The following FAU variants were observed in gnomAD, a reference collection of about 807,000 sequenced individuals.
FAU encodes the protein FAU ubiquitin like and ribosomal protein S30 fusion, also known as ubiquitin-like FUBI-ribosomal protein eS30 fusion protein.
For missense variants in FAU, 125 were observed against 173.9 expected (o/e 0.72, Z 1.58); for synonymous variants, 70 against 69.9 (o/e 1.00, Z -0.01).
intron 3 of FAU, 64 bp from the exon 4 acceptor site, chr11:65,121,100 C>CT: frequency 1.9e-6 from 3 of 1,544,720 alleles, no homozygotes; most frequent in Non-Finnish European, 2.7e-6. Flanking sequence ...CAGAACCCCT[C>CT]TTTTCTCAAT....
Position 65,121,933 on chromosome 11 carries a change from C to G in FAU, c.-8-112G>C, listed in dbSNP as rs917055251. On this transcript the variant is annotated intron_variant, in intron 1 of 4. Coordinates refer to ENST00000529639, the MANE Select transcript of FAU (RefSeq NM_001997.5). ...GATCGCGACGGGATGGTGGTCGCGG[C>G]GGCTCACGTGGGGAAGGCCAGGCCT... 12 of 1,144,458 alleles carry G rather than the reference C, an allele frequency of 1.0e-5. No individual in the cohort carries two copies. In the African/African-American group the frequency reaches 1.7e-4, roughly 16 times the overall value. The allele number at this position is 1,144,458 out of a possible 1,614,324, so 70.9% of individuals were successfully genotyped here. A position where few individuals can be genotyped will look rare whatever the true frequency, so the allele number is the denominator to read the frequency against.
At position 65,121,756 on chromosome 11, in the gene FAU, T is replaced by C. The variant is rs753354118; in HGVS notation, c.58A>G (p.Thr20Ala). The C allele has an allele frequency of 1.2e-5, 19 of 1,614,108 alleles. No homozygotes were observed. The East Asian group carries it at 3.8e-4, about 32-fold the overall frequency. The change falls in exon 2 of 5, where the codon ACG becomes GCG. Residue 20 changes from threonine to alanine, a missense_variant. By Grantham distance (58) the Thr-to-Ala change is moderately conservative (BLOSUM62 0). Transcript: ENST00000529639. ...LHTFEVTGQE[T>A]VAQIKAHVAS... ...AGCCTTACCTTGATCTGGGCGACCG[T>C]TTCCTGGCCGGTCACCTCGAAGGTG...
chr11:65,121,154 A>G, intron 3 of FAU, 118 bp from the exon 4 acceptor site: 1 of 1,028,168 alleles, frequency 9.7e-7, no homozygotes, highest in Non-Finnish European at 1.5e-6. Context: ...TAATGAGAAC[A>G]AAGTTGCAGA....
At chr11:65,122,001 G>C in intron 1 of FAU, 89 bp downstream of exon 1, 1 of 645,818 alleles carries the variant, frequency 1.5e-6, no homozygotes, top group East Asian at 2.7e-5. Context: ...CCACGGAGCA[G>C]GCCCCGTTCT....
chr11:65,120,923 G>T (rs1326840211), intron 4 of FAU, 58 bp downstream of exon 4: 5 of 1,611,614 alleles, frequency 3.1e-6, no homozygotes, highest in African/African-American at 1.3e-5. Flanking sequence ...CAGGGACTTG[G>T]TTTAGCTGTG....
chr11:65,122,022 C>T (rs979195199), intron 1 of FAU, 68 bp downstream of exon 1: 2 of 621,498 alleles, frequency 3.2e-6, no homozygotes, highest in African/African-American at 3.7e-5. Context: ...TCGGTTCCCC[C>T]CGCGCCTTCT....
chr11:65,121,945 G>T, intron 1 of FAU, 124 bp from the exon 2 acceptor site: 1 of 922,506 alleles, frequency 1.1e-6, no homozygotes, highest in Non-Finnish European at 1.7e-6. Flanking sequence ...GCTCACGTGG[G>T]GAAGGCCAGG....
At chr11:65,120,882 A>G in intron 4 of FAU, 76 bp from the exon 5 acceptor site, 3 of 1,609,166 alleles carry the variant, frequency 1.9e-6, no homozygotes, top group Non-Finnish European at 2.6e-6. Flanking sequence ...GCTCATCTCC[A>G]GGGAGGGAGA....
chr11:65,121,965 G>C, intron 1 of FAU, 125 bp downstream of exon 1: 1 of 790,696 alleles, frequency 1.3e-6, no homozygotes, highest in East Asian at 2.7e-5. Context: ...GCCTCCCAAG[G>C]AGTTCGGATA....
At chr11:65,120,835 G>C (rs774448754) in intron 4 of FAU, 29 bp from the exon 5 acceptor site, 1 of 1,613,344 alleles carries the variant, frequency 6.2e-7, no homozygotes, top group Admixed American at 1.7e-5. Flanking sequence ...ATCAGGCCCT[G>C]GTTCCTGTCT....
intron 3 of FAU, 193 bp downstream of exon 3, chr11:65,121,307 A>G: frequency 3.7e-6 from 3 of 805,180 alleles, no homozygotes; most frequent in Non-Finnish European, 5.7e-6. Flanking sequence ...CTGAAATACA[A>G]CTACACTCTG....
Position 65,121,761 on chromosome 11 carries a change from T to A in FAU, c.53A>T (p.Gln18Leu). 6.2e-7 allele frequency: 1 copy of A among 1,614,134 alleles called. No individual in the cohort carries two copies. Reference protein sequence around the residue: ...QELHTFEVTGQETVAQIKAHV... With the variant: ...QELHTFEVTGLETVAQIKAHV... ...TACCTTGATCTGGGCGACCGTTTCC[T>A]GGCCGGTCACCTCGAAGGTGTGTAG... Residue 18 changes from glutamine to leucine, a missense_variant, in exon 2 of 5, where the codon CAG becomes CTG. Gln to Leu is a moderately radical substitution (Grantham distance 113). Transcript: ENST00000529639.
At chr11:65,121,942 T>G in intron 1 of FAU, 121 bp from the exon 2 acceptor site, 1 of 1,038,028 alleles carries the variant, frequency 9.6e-7, no homozygotes, top group Non-Finnish European at 1.4e-6. Flanking sequence ...GCGGCTCACG[T>G]GGGGAAGGCC....
intron 3 of FAU, 80 bp from the exon 4 acceptor site, chr11:65,121,116 C>A: frequency 6.9e-7 from 1 of 1,450,326 alleles, no homozygotes; most frequent in Non-Finnish European, 9.6e-7. Context: ...TCAATTCAAG[C>A]CTTTAAAGAG....
rs1328114962 is a variant in FAU, at chr11:65,120,791, T to TCTC, written c.289_291dup (p.Glu97dup). 1 of 1,613,858 alleles carries TCTC rather than the reference T, an allele frequency of 6.2e-7. No homozygotes were observed. Among genetic ancestry groups the TCTC allele is most frequent in the Non-Finnish European group, 8.5e-7 (1 of 1,179,964 alleles). On this transcript the variant is annotated inframe_insertion, in exon 5 of 5. Coordinates refer to ENST00000529639, the MANE Select transcript of FAU (RefSeq NM_001997.5). Reference sequence around the variant, plus strand: ...GCCCGACCTGTCTTCTTCTTCTTCTTCTCCTGTTTGGCCACCTGGAGAAGG... The same window carrying TCTC: ...GCCCGACCTGTCTTCTTCTTCTTCTTCTCCTCCTGTTTGGCCACCTGGAGAAGG...
In FAU at chr11:65,121,046, G is replaced by A. The variant is rs754849798; in HGVS notation, c.221-10C>T. 3 of 1,614,090 alleles carry A rather than the reference G, an allele frequency of 1.9e-6. No individual in the cohort carries two copies. In the East Asian group the frequency reaches 6.7e-5, roughly 36 times the overall value. ...GAACCATGGACTTTACCTGTAGTGG[G>A]AAAGGAAGGCACCAGCAGGTAAGAG... On this transcript the variant is annotated splice_polypyrimidine_tract_variant and intron_variant, in intron 3 of 4. Coordinates refer to ENST00000529639, the MANE Select transcript of FAU (RefSeq NM_001997.5).
At chr11:65,121,437 C>T in intron 3 of FAU, 63 bp downstream of exon 3, 2 of 1,571,360 alleles carry the variant, frequency 1.3e-6, no homozygotes, top group Non-Finnish European at 1.7e-6. Flanking sequence ...GCTGTCAGGA[C>T]TATGCACCCC....
chr11:65,121,906 A>C, intron 1 of FAU, 85 bp from the exon 2 acceptor site: 1 of 1,368,160 alleles, frequency 7.3e-7, no homozygotes, highest in South Asian at 1.2e-5. Flanking sequence ...CGGTCCAGAA[A>C]CGATCGCGAC....
chr11:65,122,036 C>A (rs2137219843), intron 1 of FAU, 54 bp downstream of exon 1: 1 of 610,960 alleles, frequency 1.6e-6, no homozygotes, highest in East Asian at 2.8e-5. Context: ...GCCTTCTGAC[C>A]CCGCAGCCAA....
Sources: gnomAD v4.1 joint callset for allele counts on GRCh38, gnomAD v4.1.1 for gene constraint, MANE v1.5 for transcripts, NCBI Gene and HGNC (gene_info 2026-07-23, HGNC 2026-07-21) for gene names.